The following EMG1 variants were observed in gnomAD, a reference collection of about 807,000 sequenced individuals.
The protein encoded by EMG1 is EMG1 N1-specific pseudouridine methyltransferase, also known as ribosomal RNA small subunit methyltransferase NEP1.
In EMG1, 24 loss-of-function variants were observed where a neutral mutation model predicts 26.9. The observed-to-expected ratio is 0.89, with a 90% confidence interval of 0.65 to 1.26. The LOEUF (loss-of-function observed/expected upper bound fraction) is 1.26. Ranked by LOEUF, EMG1 falls within the 50% of genes most tolerant of loss-of-function variation. The pLI, the probability that EMG1 is intolerant of heterozygous loss-of-function variation, is 0.00. For missense variants in EMG1, 299 were observed against 307.6 expected (o/e 0.97, Z 0.21); for synonymous variants, 140 against 112.6 (o/e 1.24, Z -1.54).
chr12:6,974,315 CTCG>C (rs781839383), intron 1 of EMG1, 21 bp from the exon 2 acceptor site: 13 of 1,550,702 alleles, frequency 8.4e-6, no homozygotes, highest in Middle Eastern at 3.4e-4. Context: ...ATGCTGTTCT[CTCG>C]TCATGTTCCC....
downstream of EMG1, among the ~76,000 whole-genome samples, chr12:6,980,171 C>T (rs1428977142): frequency 6.6e-6 from 1 of 152,028 alleles, no homozygotes; most frequent in East Asian, 1.9e-4. Context: ...CCTTGGCCAC[C>T]TGAGTAGCTG....
rs1300342302 is a variant in EMG1, at chr12:6,987,914, T to C, written c.*211+76T>C. The C allele has an allele frequency of 2.5e-6, 1 of 400,174 alleles. No individual in the cohort carries two copies. The highest frequency in any genetic ancestry group is 4.4e-6 in the Non-Finnish European group (1 of 225,922). 24.8% of individuals were successfully genotyped at this position (400,174 alleles called of 1,614,324 possible). A position where few individuals can be genotyped will look rare whatever the true frequency, so the allele number is the denominator to read the frequency against. On this transcript the variant is annotated intron_variant and NMD_transcript_variant, in intron 7 of 7. Transcript: ENST00000261406. This position sits in a 1 kb window ranked among gnomAD's most constrained non-coding sequence, Gnocchi z 4.1. ...TCTGAGTTCTTGTGTCCACTTCTTA[T>C]AGCCTGTCTGTCCCTTTCCTTGCTA...
Position 6,977,181 on chromosome 12 carries a change from C to G in EMG1, c.*1372C>G. On this transcript the variant is annotated 3_prime_UTR_variant, in exon 6 of 6. Coordinates refer to ENST00000599672, the MANE Select transcript of EMG1 (RefSeq NM_006331.8). This position sits in a 1 kb window ranked among gnomAD's most constrained non-coding sequence, Gnocchi z 4.5. ...TTCTTTAACTTCTCTTTCCTTGGCA[C>G]CATTGCTTTGTGAATATAAGGCAAT... 1 of 1,613,332 alleles carries G rather than the reference C, an allele frequency of 6.2e-7. No individual in the cohort carries two copies.
downstream of EMG1, among the ~76,000 whole-genome samples, chr12:6,993,189 C>G (rs782601397): frequency 1.3e-5 from 2 of 152,024 alleles, no homozygotes; most frequent in Non-Finnish European, 2.9e-5. Flanking sequence ...CCTGTAATCC[C>G]AGCACTTTGG....
rs1565596587 is a variant in EMG1 at position 6,978,317 on chromosome 12, C to T, written c.*2508C>T. ...GACAGTGGAAGGAAGGAACCAGGGT[C>T]CAGGCTCCCCACCAGCAGCTCACCG... On this transcript the variant is annotated 3_prime_UTR_variant, in exon 6 of 6. Transcript: ENST00000599672. 1.9e-6 allele frequency: 3 copies of T among 1,591,556 alleles called. No homozygotes were observed. The highest frequency in any genetic ancestry group is 2.6e-6 in the Non-Finnish European group (3 of 1,167,958).
chr12:6,987,913 A>T lies in EMG1; in HGVS notation c.*211+75A>T. ...TTCTGAGTTCTTGTGTCCACTTCTTATAGCCTGTCTGTCCCTTTCCTTGCT... is the reference window on the plus strand; with the variant it reads ...TTCTGAGTTCTTGTGTCCACTTCTTTTAGCCTGTCTGTCCCTTTCCTTGCT... On this transcript the variant is annotated intron_variant and NMD_transcript_variant, in intron 7 of 7. Coordinates refer to the EMG1 transcript ENST00000261406. The surrounding 1 kb of genome is among the most constrained non-coding windows in gnomAD (Gnocchi z 4.1). 2 of 400,316 alleles carry T rather than the reference A, an allele frequency of 5.0e-6. No individual in the cohort carries two copies. The highest frequency in any genetic ancestry group is 4.4e-6 in the Non-Finnish European group (1 of 225,996). The allele number at this position is 400,316 out of a possible 1,614,324, so 24.8% of individuals were successfully genotyped here.
chr12:6,971,725 C>G (rs886602357), intron 1 of EMG1, among the ~76,000 whole-genome samples: 7 of 152,208 alleles, frequency 4.6e-5, no homozygotes, highest in Admixed American at 2.0e-4. Context: ...AGACAAGTTA[C>G]TGGGCAGATG....
Position 6,975,390 on chromosome 12 carries a change from G to A in EMG1, c.621+12G>A. The A allele has an allele frequency of 6.3e-7, 1 of 1,579,914 alleles. No individual in the cohort carries two copies. The highest frequency in any genetic ancestry group is 8.6e-7 in the Non-Finnish European group (1 of 1,163,018). On this transcript the variant is annotated intron_variant, in intron 5 of 5. Coordinates refer to ENST00000599672, the MANE Select transcript of EMG1 (RefSeq NM_006331.8). Reference sequence around the variant, plus strand: ...TTGCCCATGGCAAGGTAAGGTCTGGGCTCAACCCTGAAATTCTTGGTAGAG... The same window carrying A: ...TTGCCCATGGCAAGGTAAGGTCTGGACTCAACCCTGAAATTCTTGGTAGAG...
rs1260360314 is a variant in EMG1, at chr12:6,979,835, C to T, written c.*4026C>T. ...GACAGTGGACCAGTCTTGTGTTTAC[C>T]CCTCAGGGATGCTACTGATCTCAAG... On this transcript the variant is annotated 3_prime_UTR_variant, in exon 6 of 6. Transcript: ENST00000599672. 1.2e-5 allele frequency: 6 copies of T among 482,180 alleles called. No homozygotes were observed. Among genetic ancestry groups the T allele is most frequent in the South Asian group, 2.8e-5 (1 of 36,180 alleles). The allele number at this position is 482,180 out of a possible 1,614,324, so 29.9% of individuals were successfully genotyped here.
chr12:6,994,624 G>T (rs782395963), intron 7 of EMG1, among the ~76,000 whole-genome samples: 1 of 152,000 alleles, frequency 6.6e-6, no homozygotes, highest in African/African-American at 2.4e-5. Context: ...GCACAGGACC[G>T]GCTAATTTCT....
Position 6,977,581 on chromosome 12 carries a change from C to A in EMG1, c.*1772C>A. The A allele has an allele frequency of 6.2e-7, 1 of 1,614,182 alleles. No homozygotes were observed. The highest frequency in any genetic ancestry group is 2.2e-5 in the East Asian group (1 of 44,886). On this transcript the variant is annotated 3_prime_UTR_variant, in exon 6 of 6. Transcript: ENST00000599672. This position sits in a 1 kb window ranked among gnomAD's most constrained non-coding sequence, Gnocchi z 4.5. ...TTGTCCCTTATATTCCCCTTCACCC[C>A]CACCCTGGAGGCCTACCTGTCTTTC...
intron 7 of EMG1, among the ~76,000 whole-genome samples, chr12:6,995,629 T>C (rs1026491899): frequency 1.9e-4 from 29 of 152,250 alleles, no homozygotes; most frequent in African/African-American, 6.7e-4. Context: ...GTTAAAACCC[T>C]TATGGATCTC....
chr12:6,974,972 A>C (rs1946375662), intron 3 of EMG1, 118 bp from the exon 4 acceptor site: 2 of 1,049,720 alleles, frequency 1.9e-6, no homozygotes, highest in Non-Finnish European at 2.9e-6. Flanking sequence ...TCAGGAGTCC[A>C]GTCTAGATAT....
At chr12:6,996,896 A>C (rs1302038244) in intron 7 of EMG1, among the ~76,000 whole-genome samples, 2 of 152,194 alleles carry the variant, frequency 1.3e-5, no homozygotes, top group African/African-American at 4.8e-5. Flanking sequence ...AGCGGTAGGA[A>C]GGAGCATGGG....
At chr12:6,981,765 G>A, downstream of EMG1, 1 of 1,524,458 alleles carries the variant, frequency 6.6e-7, no homozygotes, top group Non-Finnish European at 9.1e-7. Flanking sequence ...AGTGAGATGG[G>A]GGAGGGACCT....
Position 6,974,647 on chromosome 12 carries a change from C to G in EMG1, c.366C>G (p.Pro122=). 6.2e-7 allele frequency: 1 copy of G among 1,613,996 alleles called. No individual in the cohort carries two copies. The highest frequency in any genetic ancestry group is 1.1e-5 in the South Asian group (1 of 91,078). The change falls in exon 3 of 6, where the codon CCC becomes CCG. Residue 122 remains proline, a synonymous_variant. Coordinates refer to ENST00000599672, the MANE Select transcript of EMG1 (RefSeq NM_006331.8). ...TQKNVLIEVN[P]QTRIPRTFDR... ...AGAATGTTCTGATTGAAGTGAATCC[C>G]CAGACCCGAATTCCCAGAACCTTTG... is the stretch of plus-strand genomic sequence containing the variant.
chr12:6,991,550 T>A (rs1401008075), downstream of EMG1, among the ~76,000 whole-genome samples: 6 of 152,344 alleles, frequency 3.9e-5, no homozygotes, highest in Middle Eastern at 3.4e-3. Flanking sequence ...CTGTATATAT[T>A]GAAAAGTGGT....
chr12:6,981,416 G>C, downstream of EMG1: 1 of 737,798 alleles, frequency 1.4e-6, no homozygotes, highest in East Asian at 2.6e-5. Context: ...TGCAAGAGCT[G>C]GATCCTGGGC....
chr12:6,977,357 C>G lies in EMG1; in HGVS notation c.*1548C>G. On this transcript the variant is annotated 3_prime_UTR_variant, in exon 6 of 6. Transcript: ENST00000599672. This position sits in a 1 kb window ranked among gnomAD's most constrained non-coding sequence, Gnocchi z 4.5. ...GTCCCTCCCAGTCTCACAAGCAGGCCTTCACTTGCCTTAAGCCATTTGTCC... is the reference window on the plus strand; with the variant it reads ...GTCCCTCCCAGTCTCACAAGCAGGCGTTCACTTGCCTTAAGCCATTTGTCC... 6.2e-7 allele frequency: 1 copy of G among 1,614,170 alleles called. No homozygotes were observed. The highest frequency in any genetic ancestry group is 1.1e-5 in the South Asian group (1 of 91,084).
Sources: gnomAD v4.1 joint callset for allele counts (sites outside exome capture counted in the v4.1 genomes callset) on GRCh38, gnomAD v4.1.1 for gene constraint, Gnocchi (gnomAD v3.1) non-coding constraint, MANE v1.5 for transcripts, NCBI Gene and HGNC (gene_info 2026-07-23, HGNC 2026-07-21) for gene names.